The following GRINA variants were observed in gnomAD, a reference collection of about 807,000 sequenced individuals.
The protein encoded by GRINA is protein lifeguard 1.
GRINA carries 26 observed loss-of-function variants against 42.5 expected under a neutral mutation model. The ratio of observed to expected loss-of-function variants is 0.61; its 90% CI spans 0.45 to 0.85. GRINA has a LOEUF of 0.85. Among genes scored for constraint, GRINA ranks in the 40% least tolerant of loss-of-function variants. The pLI is 0.00. For synonymous variants in GRINA, 256 were observed against 204.2 expected, an observed-to-expected ratio of 1.25 and a Z score of -2.17; for missense variants, 475 against 481.5, an observed-to-expected ratio of 0.99 and a Z score of 0.13.
chr8:143,993,105 T>C lies in GRINA; in HGVS notation c.*264T>C, dbSNP rs1405087141. The C allele has an allele frequency of 2.2e-5, 10 of 457,880 alleles. No homozygotes were observed. The highest frequency in any genetic ancestry group is 1.2e-4 in the Admixed American group (3 of 26,040). The allele number at this position is 457,880 out of a possible 1,614,324, so 28.4% of individuals were successfully genotyped here. ...TTCCGTGCCACCTCCTGTCTACTCA[T>C]TGTTGCATGAGCCCTGTCTGCCAGC... On this transcript the variant is annotated 3_prime_UTR_variant, in exon 7 of 7. Transcript: ENST00000395068.
Position 143,991,267 on chromosome 8 carries a change from C to T in GRINA, c.44C>T (p.Pro15Leu), listed in dbSNP as rs201599828. 62 of 1,552,524 alleles carry T rather than the reference C, an allele frequency of 4.0e-5. No homozygotes were observed. The highest frequency in any genetic ancestry group is 3.2e-5 in the Non-Finnish European group (37 of 1,138,730). Reference sequence around the variant, plus strand: ...TTTTTGGTGTCTGGGGACAACTATCCTCCCCCCAACCCTGGATATCCGGGG... The same window carrying T: ...TTTTTGGTGTCTGGGGACAACTATCTTCCCCCCAACCCTGGATATCCGGGG... The part of the protein sequence containing the change: ...KSFLVSGDNY[P>L]PPNPGYPGGP... Residue 15 changes from proline to leucine, a missense_variant, in exon 2 of 7, where the codon CCT becomes CTT. By Grantham distance (98) the Pro-to-Leu change is moderately conservative. Coordinates refer to ENST00000395068, the MANE Select transcript of GRINA (RefSeq NM_001009184.2).
chr8:143,991,285 A>G lies in GRINA; in HGVS notation c.62A>G (p.Tyr21Cys). ...GDNYPPPNPGYPGGPQPPMPP... is the reference protein window; with the variant it reads ...GDNYPPPNPGCPGGPQPPMPP... The stretch of plus-strand genomic sequence containing the variant: ...AACTATCCTCCCCCCAACCCTGGAT[A>G]TCCGGGGGGGCCCCAGCCACCCATG... The change falls in exon 2 of 7, where the codon TAT becomes TGT. Residue 21 changes from tyrosine (Y) to cysteine (C), a missense_variant. Coordinates refer to ENST00000395068, the MANE Select transcript of GRINA (RefSeq NM_001009184.2). 6.7e-7 allele frequency: 1 copy of G among 1,500,206 alleles called. No homozygotes were observed. Among genetic ancestry groups the G allele is most frequent in the African/African-American group, 1.4e-5 (1 of 70,822 alleles). The allele number at this position is 1,500,206 out of a possible 1,614,324, so 92.9% of individuals were successfully genotyped here.
Position 143,991,300 on chromosome 8 carries a change from A to G in GRINA, c.77A>G (p.Gln26Arg). ...AACCCTGGATATCCGGGGGGGCCCC[A>G]GCCACCCATGCCCCCCTATGCTCAG... ...PPNPGYPGGP[Q>R]PPMPPYAQPP... The change falls in exon 2 of 7, where the codon CAG becomes CGG. Residue 26 changes from glutamine to arginine, a missense_variant. Physicochemically the swap from Gln to Arg is conservative, Grantham distance 43. Coordinates refer to ENST00000395068, the MANE Select transcript of GRINA (RefSeq NM_001009184.2). The G allele has an allele frequency of 7.0e-7, 1 of 1,434,852 alleles. No individual in the cohort carries two copies. The highest frequency in any genetic ancestry group is 9.5e-7 in the Non-Finnish European group (1 of 1,057,680). 88.9% of individuals were successfully genotyped at this position (1,434,852 alleles called of 1,614,324 possible). A position where few individuals can be genotyped will look rare whatever the true frequency, so the allele number is the denominator to read the frequency against.
At position 143,992,947 on chromosome 8, in the gene GRINA, C is replaced by T. The variant is rs1456915711; in HGVS notation, c.*106C>T. ...TTCCCCTCTCTCTTGTCCCCAGGCA[C>T]AGCCTAGGGAAAAGGATGCCTCTCT... On this transcript the variant is annotated 3_prime_UTR_variant, in exon 7 of 7. Transcript: ENST00000395068. 6.4e-6 allele frequency: 6 copies of T among 937,066 alleles called. No homozygotes were observed. The Admixed American group carries it at 1.4e-4, about 22-fold the overall frequency. 58.0% of individuals were successfully genotyped at this position (937,066 alleles called of 1,614,324 possible). A position where few individuals can be genotyped will look rare whatever the true frequency, so the allele number is the denominator to read the frequency against.
chr8:143,993,034 G>A lies in GRINA; in HGVS notation c.*193G>A, dbSNP rs1834127394. ...TTGGACCCGCTGTGGCCACAGCATG[G>A]CCCCTTTAGTCCTCCCGCCCCCGCC... is the stretch of plus-strand genomic sequence containing the variant. On this transcript the variant is annotated 3_prime_UTR_variant, in exon 7 of 7. Coordinates refer to ENST00000395068, the MANE Select transcript of GRINA (RefSeq NM_001009184.2). The A allele has an allele frequency of 1.7e-6, 1 of 589,866 alleles. No individual in the cohort carries two copies. The allele number at this position is 589,866 out of a possible 1,614,324, so 36.5% of individuals were successfully genotyped here. A position where few individuals can be genotyped will look rare whatever the true frequency, so the allele number is the denominator to read the frequency against.
intron 4 of GRINA, 71 bp downstream of exon 4, chr8:143,992,149 T>G (rs781947486): frequency 6.2e-7 from 1 of 1,601,938 alleles, no homozygotes; most frequent in Middle Eastern, 1.7e-4. Flanking sequence ...CTTCCGGGCC[T>G]GGTCACCGTG....
chr8:143,993,050 C>T lies in GRINA; in HGVS notation c.*209C>T, dbSNP rs1369943172. The T allele has an allele frequency of 1.2e-5, 7 of 562,758 alleles. No homozygotes were observed. Among genetic ancestry groups the T allele is most frequent in the African/African-American group, 1.1e-4 (6 of 53,162 alleles). 34.9% of individuals were successfully genotyped at this position (562,758 alleles called of 1,614,324 possible). On this transcript the variant is annotated 3_prime_UTR_variant, in exon 7 of 7. Transcript: ENST00000395068. ...CACAGCATGGCCCCTTTAGTCCTCC[C>T]GCCCCCGCCAAGGGGCACCAAGGCC...
Position 143,991,274 on chromosome 8 carries a change from C to A in GRINA, c.51C>A (p.Pro17=). The A allele has an allele frequency of 6.5e-7, 1 of 1,541,710 alleles. No homozygotes were observed. The highest frequency in any genetic ancestry group is 8.8e-7 in the Non-Finnish European group (1 of 1,133,018). ...TGTCTGGGGACAACTATCCTCCCCC[C>A]AACCCTGGATATCCGGGGGGGCCCC... The part of the protein sequence containing the change: ...FLVSGDNYPP[P]NPGYPGGPQP... The change falls in exon 2 of 7, where the codon CCC becomes CCA. Residue 17 remains proline (P), a synonymous_variant. Coordinates refer to ENST00000395068, the MANE Select transcript of GRINA (RefSeq NM_001009184.2).
chr8:143,992,638 G>T (rs1554750750), intron 6 of GRINA, 30 bp downstream of exon 6: 1 of 1,614,010 alleles, frequency 6.2e-7, no homozygotes, highest in Admixed American at 1.7e-5. Flanking sequence ...GGCCGGGGGC[G>T]GGATGCTGGG....
chr8:143,991,061 T>C (rs1170928350), intron 1 of GRINA, 139 bp from the exon 2 acceptor site: 3 of 505,566 alleles, frequency 5.9e-6, no homozygotes, highest in East Asian at 3.4e-5. Flanking sequence ...GCTCCGGGGC[T>C]CCCCACAGCC....
Position 143,992,832 on chromosome 8 carries a change from C to T in GRINA, c.1107C>T (p.Ala369=), listed in dbSNP as rs781992821. 6.8e-6 allele frequency: 11 copies of T among 1,613,090 alleles called. No individual in the cohort carries two copies. In the Admixed American group the frequency reaches 1.0e-4, roughly 15 times the overall value. Residue 369 remains alanine (A), a synonymous_variant, in exon 7 of 7, where the codon GCC becomes GCT. Transcript: ENST00000395068. ...ACATCCTCACCATCATTGGCCGCGCCAAGGAGTAGCCGAGCTCCAGCTCGC... is the reference window on the plus strand; with the variant it reads ...ACATCCTCACCATCATTGGCCGCGCTAAGGAGTAGCCGAGCTCCAGCTCGC... ...FLYILTIIGR[A]KE
chr8:143,992,449 C>A lies in GRINA; in HGVS notation c.823-16C>A. 6.2e-7 allele frequency: 1 copy of A among 1,613,992 alleles called. No homozygotes were observed. The highest frequency in any genetic ancestry group is 1.1e-5 in the South Asian group (1 of 91,080). Reference sequence around the variant, plus strand: ...CCCAGGCCCAGCCCCATGGCCCGTTCCTCTCCCACCTGCAGACCCGCTACG... The same window carrying A: ...CCCAGGCCCAGCCCCATGGCCCGTTACTCTCCCACCTGCAGACCCGCTACG... On this transcript the variant is annotated splice_polypyrimidine_tract_variant and intron_variant, in intron 5 of 6. Coordinates refer to ENST00000395068, the MANE Select transcript of GRINA (RefSeq NM_001009184.2).
At position 143,993,033 on chromosome 8, in the gene GRINA, G is replaced by A; in HGVS notation, c.*192G>A. On this transcript the variant is annotated 3_prime_UTR_variant, in exon 7 of 7. Transcript: ENST00000395068. ...TTTGGACCCGCTGTGGCCACAGCAT[G>A]GCCCCTTTAGTCCTCCCGCCCCCGC... is the stretch of plus-strand genomic sequence containing the variant. The A allele has an allele frequency of 1.7e-6, 1 of 591,670 alleles. No homozygotes were observed. The highest frequency in any genetic ancestry group is 2.0e-5 in the South Asian group (1 of 49,548). 36.7% of individuals were successfully genotyped at this position (591,670 alleles called of 1,614,324 possible). A position where few individuals can be genotyped will look rare whatever the true frequency, so the allele number is the denominator to read the frequency against.
intron 4 of GRINA, 70 bp downstream of exon 4, chr8:143,992,148 C>A: frequency 6.2e-7 from 1 of 1,602,188 alleles, no homozygotes; most frequent in South Asian, 1.1e-5. Context: ...TCTTCCGGGC[C>A]TGGTCACCGT....
rs376058939 is a variant in GRINA at position 143,992,865 on chromosome 8, G to A, written c.*24G>A. ...AGCCGAGCTCCAGCTCGCTGTGCCC[G>A]CTCAGGTGGCACGGCTGGCCTGGAC... On this transcript the variant is annotated 3_prime_UTR_variant, in exon 7 of 7. Transcript: ENST00000395068. 9.3e-5 allele frequency: 149 copies of A among 1,606,782 alleles called. No individual in the cohort carries two copies. The highest frequency in any genetic ancestry group is 4.9e-4 in the Middle Eastern group (3 of 6,070).
At chr8:143,992,137 C>T in intron 4 of GRINA, 59 bp downstream of exon 4, 1 of 1,602,542 alleles carries the variant, frequency 6.2e-7, no homozygotes, top group Non-Finnish European at 8.5e-7. Flanking sequence ...CACACGCCCA[C>T]TCTTCCGGGC....
In GRINA at chr8:143,992,243, A is replaced by G; in HGVS notation, c.694-2A>G. On this transcript the variant is annotated splice_acceptor_variant, in intron 4 of 6. Coordinates refer to ENST00000395068, the MANE Select transcript of GRINA (RefSeq NM_001009184.2). LOFTEE classifies it high-confidence loss of function. ...AGGTCAGCCTGTGTCTCCCAACTGC[A>G]GTCGGTCCTGACCGCCAGCCTGTCG... 6.2e-7 allele frequency: 1 copy of G among 1,604,132 alleles called. No individual in the cohort carries two copies. Among genetic ancestry groups the G allele is most frequent in the Non-Finnish European group, 8.5e-7 (1 of 1,174,352 alleles).
rs1352727438 is a variant in GRINA at position 143,990,370 on chromosome 8, G to C, written c.-25+171G>C. ...GCTCGCGGCCAGAGGTGGCGGCGGT[G>C]GTGGGGGCGGGGAGCCGCGGCGGCC... On this transcript the variant is annotated intron_variant, in intron 1 of 6. Transcript: ENST00000395068. The surrounding 1 kb of genome is among the most constrained non-coding windows in gnomAD (Gnocchi z 5.6). 12 of 151,386 alleles carry C rather than the reference G, an allele frequency of 7.9e-5. No homozygotes were observed. The highest frequency in any genetic ancestry group is 2.9e-4 in the African/African-American group (12 of 41,428). 9.4% of individuals were successfully genotyped at this position (151,386 alleles called of 1,614,324 possible). A position where few individuals can be genotyped will look rare whatever the true frequency, so the allele number is the denominator to read the frequency against.
In GRINA at chr8:143,991,315, C is replaced by A. The variant is rs782781264; in HGVS notation, c.92C>A (p.Pro31His). ...GGGGGGCCCCAGCCACCCATGCCCC[C>A]CTATGCTCAGCCTCCCTACCCTGGG... ...YPGGPQPPMP[P>H]YAQPPYPGAP... The change falls in exon 2 of 7, where the codon CCC (proline) becomes CAC (histidine). Residue 31 changes from proline (P) to histidine (H), a missense_variant. Physicochemically the swap from Pro to His is moderately conservative, Grantham distance 77 (BLOSUM62 -2). Coordinates refer to ENST00000395068, the MANE Select transcript of GRINA (RefSeq NM_001009184.2). The A allele has an allele frequency of 4.3e-6, 6 of 1,405,020 alleles. No individual in the cohort carries two copies. The highest frequency in any genetic ancestry group is 2.4e-5 in the East Asian group (1 of 41,866). The allele number at this position is 1,405,020 out of a possible 1,614,324, so 87.0% of individuals were successfully genotyped here. A position where few individuals can be genotyped will look rare whatever the true frequency, so the allele number is the denominator to read the frequency against.
Sources: gnomAD v4.1 joint callset for allele counts on GRCh38, gnomAD v4.1.1 for gene constraint, Gnocchi (gnomAD v3.1) non-coding constraint, MANE v1.5 for transcripts, NCBI Gene and HGNC (gene_info 2026-07-23, HGNC 2026-07-21) for gene names.